Variants in BBC3 observed in about 807,000 individuals in gnomAD.
BBC3 encodes the protein BCL2 binding component 3.
In BBC3, 5 loss-of-function variants were observed where a neutral mutation model predicts 18.2. The observed-to-expected ratio is 0.27, with a 90% confidence interval of 0.14 to 0.58. BBC3 has a LOEUF of 0.58. Ranked by LOEUF, BBC3 falls within the 20% of genes least tolerant of loss-of-function variation. The pLI, the probability that BBC3 is intolerant of heterozygous loss-of-function variation, is 0.91. For synonymous variants in BBC3, 119 were observed against 128.0 expected (o/e 0.93, Z 0.47); for missense variants, 224 against 268.9 (o/e 0.83, Z 1.17).
chr19:47,230,969 G>T lies in BBC3; in HGVS notation c.-56C>A. On this transcript the variant is annotated 5_prime_UTR_variant, in exon 1 of 4. Transcript: ENST00000439096. This position sits in a 1 kb window ranked among gnomAD's most constrained non-coding sequence, Gnocchi z 6.7. ...ACGCCGGAGGGGGCGGCGGTGGGGG[G>T]CGGGCGGCTTCCTTCAGGAGGGCGC... The T allele has an allele frequency of 2.0e-6, 2 of 983,634 alleles. No homozygotes were observed. The highest frequency in any genetic ancestry group is 3.5e-5 in the African/African-American group (2 of 57,266). The allele number at this position is 983,634 out of a possible 1,614,324, so 60.9% of individuals were successfully genotyped here. A position where few individuals can be genotyped will look rare whatever the true frequency, so the allele number is the denominator to read the frequency against.
chr19:47,221,903 G>C lies in BBC3; in HGVS notation c.481C>G (p.Gln161Glu), dbSNP rs1381064796. The change falls in exon 4 of 4, where the codon CAG (glutamine) becomes GAG (glutamate). Residue 161 changes from glutamine to glutamate, a missense_variant. Gln to Glu is a conservative substitution (Grantham distance 29). Coordinates refer to ENST00000439096, the MANE Select transcript of BBC3 (RefSeq NM_014417.5). ...CTCCAGGGTGAGGGGCGGTGCCGCT[G>C]CTGCTCCTCTTGTCTCTGGGGAAAA... ...QYERRRQEEQ[Q>E]RHRPSPWRVL... The C allele has an allele frequency of 6.2e-7, 1 of 1,607,210 alleles. No individual in the cohort carries two copies. The highest frequency in any genetic ancestry group is 8.5e-7 in the Non-Finnish European group (1 of 1,177,288).
At position 47,228,859 on chromosome 19, in the gene BBC3, G is replaced by A. The variant is rs1214761555; in HGVS notation, c.-15-413C>T. On this transcript the variant is annotated intron_variant, in intron 1 of 3. Coordinates refer to ENST00000439096, the MANE Select transcript of BBC3 (RefSeq NM_014417.5). This position sits in a 1 kb window ranked among gnomAD's most constrained non-coding sequence, Gnocchi z 5.5. Reference sequence around the variant, plus strand: ...GACGGGCACACAGGGAGGGCAGTGAGGCACAGCGAGGCCCCCACAGCACAC... The same window carrying A: ...GACGGGCACACAGGGAGGGCAGTGAAGCACAGCGAGGCCCCCACAGCACAC... 1.3e-5 allele frequency among the ~76,000 whole-genome samples: 2 copies of A among 152,042 alleles called. No homozygotes were observed. Among genetic ancestry groups the A allele is most frequent in the Non-Finnish European group, 2.9e-5 (2 of 67,988 alleles).
chr19:47,226,275 G>A (rs903196877), intron 3 of BBC3, among the ~76,000 whole-genome samples: 5 of 151,788 alleles, frequency 3.3e-5, no homozygotes, highest in Non-Finnish European at 5.9e-5. Context: ...GCCGCCCTCA[G>A]TCCCCGCGGC....
chr19:47,222,164 T>TTAGC, intron 3 of BBC3: 1 of 443,150 alleles, frequency 2.3e-6, no homozygotes, highest in Non-Finnish European at 4.0e-6. Flanking sequence ...GCGTGGCACA[T>TTAGC]TAGCTGTGAC....
In BBC3 at chr19:47,221,313, G is replaced by A. The variant is rs933343788; in HGVS notation, c.*489C>T. 2.8e-5 allele frequency: 5 copies of A among 178,902 alleles called. No homozygotes were observed. The highest frequency in any genetic ancestry group is 1.2e-4 in the African/African-American group (5 of 42,030). The allele number at this position is 178,902 out of a possible 1,614,324, so 11.1% of individuals were successfully genotyped here. A position where few individuals can be genotyped will look rare whatever the true frequency, so the allele number is the denominator to read the frequency against. On this transcript the variant is annotated 3_prime_UTR_variant, in exon 4 of 4. Coordinates refer to ENST00000439096, the MANE Select transcript of BBC3 (RefSeq NM_014417.5). ...CGAGCCCCACTCTCTGGCTCCAGGAGGCTAGTGGTCACGTTTGGCTCATTT... is the reference window on the plus strand; with the variant it reads ...CGAGCCCCACTCTCTGGCTCCAGGAAGCTAGTGGTCACGTTTGGCTCATTT...
At chr19:47,222,996 T>A (rs1012512439) in intron 3 of BBC3, among the ~76,000 whole-genome samples, 1 of 111,840 alleles carries the variant, frequency 8.9e-6, no homozygotes, top group Non-Finnish European at 1.8e-5. Context: ...ACAGGCCGGG[T>A]GCGGTGGCTC....
intron 1 of BBC3, among the ~76,000 whole-genome samples, chr19:47,229,238 C>T (rs2123393185): frequency 6.6e-6 from 1 of 152,160 alleles, no homozygotes; most frequent in Non-Finnish European, 1.5e-5. Context: ...TCCACACACA[C>T]ACACTCACTC....
chr19:47,231,298 T>C (rs1437108781), upstream of BBC3: 6 of 710,370 alleles, frequency 8.4e-6, no homozygotes, highest in South Asian at 2.4e-4. This position sits in a 1 kb window ranked among gnomAD's most constrained non-coding sequence, Gnocchi z 4.0. Flanking sequence ...CGCGTGACGC[T>C]ACGGCCCCGC....
At chr19:47,232,094 G>A (rs2058920645), upstream of BBC3, among the ~76,000 whole-genome samples, 1 of 152,234 alleles carries the variant, frequency 6.6e-6, no homozygotes, top group African/African-American at 2.4e-5. Context: ...GCTCATGCCT[G>A]TAATCCCAGC....
intron 1 of BBC3, among the ~76,000 whole-genome samples, chr19:47,229,805 A>C (rs2123395064): frequency 6.6e-6 from 1 of 151,242 alleles, no homozygotes; most frequent in East Asian, 2.0e-4. Flanking sequence ...ACAACCCCCC[A>C]CCACACACAT....
Position 47,221,279 on chromosome 19 carries a change from A to C in BBC3, c.*523T>G. On this transcript the variant is annotated 3_prime_UTR_variant, in exon 4 of 4. Coordinates refer to ENST00000439096, the MANE Select transcript of BBC3 (RefSeq NM_014417.5). ...GATGGCTGGGCGCCGGGCTGGAGCA[A>C]CCGGCAAACGAGCCCCACTCTCTGG... 1 of 169,108 alleles carries C rather than the reference A, an allele frequency of 5.9e-6. No homozygotes were observed. Among genetic ancestry groups the C allele is most frequent in the Non-Finnish European group, 1.3e-5 (1 of 79,280 alleles). 10.5% of individuals were successfully genotyped at this position (169,108 alleles called of 1,614,324 possible). A position where few individuals can be genotyped will look rare whatever the true frequency, so the allele number is the denominator to read the frequency against.
At chr19:47,225,860 A>C (rs1031573321) in intron 3 of BBC3, among the ~76,000 whole-genome samples, 1 of 152,074 alleles carries the variant, frequency 6.6e-6, no homozygotes, top group African/African-American at 2.4e-5. Flanking sequence ...AACTCGAGAG[A>C]TTTCCTTTGG....
Position 47,221,854 on chromosome 19 carries a change from C to T in BBC3, c.530G>A (p.Gly177Glu). 1 of 1,613,750 alleles carries T rather than the reference C, an allele frequency of 6.2e-7. No homozygotes were observed. The highest frequency in any genetic ancestry group is 8.5e-7 in the Non-Finnish European group (1 of 1,179,882). The change falls in exon 4 of 4, where the codon GGA (glycine) becomes GAA (glutamate). Residue 177 changes from glycine to glutamate, a missense_variant. Gly to Glu is a moderately conservative substitution (Grantham distance 98, BLOSUM62 -2). Coordinates refer to ENST00000439096, the MANE Select transcript of BBC3 (RefSeq NM_014417.5). ...PWRVLYNLIM[G>E]LLPLPRGHRA... ...GTGGCCCCTGGGTAAGGGCAGGAGT[C>T]CCATGATGAGATTGTACAGGACCCT...
intron 3 of BBC3, among the ~76,000 whole-genome samples, chr19:47,226,328 C>A: frequency 6.6e-6 from 1 of 150,456 alleles, no homozygotes; most frequent in Non-Finnish European, 1.5e-5. Flanking sequence ...GCGGCCTAGT[C>A]CCTGGCCCTG....
chr19:47,231,226 C>G, upstream of BBC3: 1 of 980,894 alleles, frequency 1.0e-6, no homozygotes, highest in East Asian at 1.1e-4. This position sits in a 1 kb window ranked among gnomAD's most constrained non-coding sequence, Gnocchi z 4.0. Flanking sequence ...CCCGGGCCCG[C>G]TCCAAAGCCG....
chr19:47,223,284 T>C (rs2058773532), intron 3 of BBC3, among the ~76,000 whole-genome samples: 1 of 119,618 alleles, frequency 8.4e-6, no homozygotes, highest in African/African-American at 3.2e-5. Context: ...AAAAAAAAAA[T>C]GGCTGGGCAA....
At chr19:47,229,742 G>A (rs939457364) in intron 1 of BBC3, among the ~76,000 whole-genome samples, 6 of 151,524 alleles carry the variant, frequency 4.0e-5, no homozygotes, top group Admixed American at 3.3e-4. Flanking sequence ...CAGATCCTGG[G>A]TCCTCAAATC....
chr19:47,221,805 A>C lies in BBC3; in HGVS notation c.579T>G (p.Asn193Lys). 3 of 1,612,862 alleles carry C rather than the reference A, an allele frequency of 1.9e-6. No individual in the cohort carries two copies. The highest frequency in any genetic ancestry group is 2.5e-6 in the Non-Finnish European group (3 of 1,179,600). ...TCCACCGGGCGGGTGCAGGCACCTAATTGGGCTCCATCTCGGGGGCTCTGT... is the reference window on the plus strand; with the variant it reads ...TCCACCGGGCGGGTGCAGGCACCTACTTGGGCTCCATCTCGGGGGCTCTGT... ...RGHRAPEMEPN is the reference protein window; with the variant it reads ...RGHRAPEMEPK Residue 193 changes from asparagine (N) to lysine (K), a missense_variant, in exon 4 of 4, where the codon AAT becomes AAG. Transcript: ENST00000439096.
intron 3 of BBC3, among the ~76,000 whole-genome samples, chr19:47,224,113 A>G (rs1415815051): frequency 6.6e-6 from 1 of 151,982 alleles, no homozygotes; most frequent in East Asian, 1.9e-4. Flanking sequence ...TGGTCAACAT[A>G]GTGAAACCCC....
Sources: allele counts gnomAD v4.1 joint callset (sites outside exome capture counted in the v4.1 genomes callset), GRCh38; gene constraint gnomAD v4.1.1; non-coding constraint Gnocchi (gnomAD v3.1); transcripts MANE v1.5; gene names NCBI Gene and HGNC (gene_info 2026-07-23, HGNC 2026-07-21).